MCF2L: variants seen among roughly 807,000 people sequenced by gnomAD.
MCF2L encodes the protein guanine nucleotide exchange factor DBS.
MCF2L carries 97 observed loss-of-function variants against 153.4 expected under a neutral mutation model. The observed-to-expected ratio is 0.63, with a 90% CI of 0.54 to 0.75. The LOEUF is 0.75. Among genes scored for constraint, MCF2L ranks in the 30% least tolerant of loss-of-function variants. The pLI, the probability that MCF2L is intolerant of heterozygous loss-of-function variation, is 0.00. For missense variants in MCF2L, 1,347 were observed against 1,495.2 expected, an observed-to-expected ratio of 0.90 and a Z score of 1.64; for synonymous variants, 659 against 632.2, an observed-to-expected ratio of 1.04 and a Z score of -0.64.
At chr13:113,025,896 TTCC>T (rs1198300132) in intron 3 of MCF2L, among the ~76,000 whole-genome samples, 7 of 130,590 alleles carry the variant, frequency 5.4e-5, no homozygotes, top group Non-Finnish European at 1.0e-4. Flanking sequence ...CCTGTGAGGT[TTCC>T]CCATTGTGGG....
In MCF2L at chr13:113,031,457, G is replaced by A. The variant is rs2085717097; in HGVS notation, c.278+6699G>A. 1.3e-5 allele frequency among the ~76,000 whole-genome samples: 2 copies of A among 152,140 alleles called. No homozygotes were observed. The highest frequency in any genetic ancestry group is 2.9e-5 in the Non-Finnish European group (2 of 68,030). ...GGGCAGGACAGAGTGCCGGGGAGTCGGGGGCTGTAGGGACAGAGTCTGGGA... is the reference window on the plus strand; with the variant it reads ...GGGCAGGACAGAGTGCCGGGGAGTCAGGGGCTGTAGGGACAGAGTCTGGGA... On this transcript the variant is annotated intron_variant, in intron 3 of 29. Transcript: ENST00000535094. This position sits in a 1 kb window ranked among gnomAD's most constrained non-coding sequence, Gnocchi z 5.5.
At chr13:112,940,938 C>T (rs1352177627) in intron 2 of MCF2L, among the ~76,000 whole-genome samples, 1 of 152,176 alleles carries the variant, frequency 6.6e-6, no homozygotes, top group East Asian at 1.9e-4. Flanking sequence ...GGGTCATGAT[C>T]GCTGAGCCCA....
At chr13:112,911,739 G>A (rs539727745) in intron 2 of MCF2L, among the ~76,000 whole-genome samples, 1 of 152,384 alleles carries the variant, frequency 6.6e-6, no homozygotes, top group African/African-American at 2.4e-5. Flanking sequence ...GACCTCACAC[G>A]GATGCGCTGA....
chr13:112,901,849 TG>T (rs2081122430), intron 1 of MCF2L, among the ~76,000 whole-genome samples: 1 of 152,236 alleles, frequency 6.6e-6, no homozygotes, highest in African/African-American at 2.4e-5. Context: ...TACTGAAACC[TG>T]GAGAACTAGG....
chr13:113,095,293 A>C, intron 27 of MCF2L: 1 of 1,179,086 alleles, frequency 8.5e-7, no homozygotes, highest in East Asian at 6.3e-5. Flanking sequence ...CAGGTCCCGG[A>C]GGCTCTGGAA....
rs2035720952 is a variant in MCF2L, at chr13:113,096,928, G to A, written c.*69G>A. The A allele has an allele frequency of 8.7e-7, 1 of 1,149,940 alleles. No homozygotes were observed. Among genetic ancestry groups the A allele is most frequent in the Non-Finnish European group, 1.1e-6 (1 of 892,798 alleles). 71.2% of individuals were successfully genotyped at this position (1,149,940 alleles called of 1,614,324 possible). On this transcript the variant is annotated 3_prime_UTR_variant, in exon 30 of 30. Transcript: ENST00000535094. Reference sequence around the variant, plus strand: ...GTGGCGTGGGGAGGGCGCGGCCCCCGGACGCCCCGAGGAAGGGGCACCTCA... The same window carrying A: ...GTGGCGTGGGGAGGGCGCGGCCCCCAGACGCCCCGAGGAAGGGGCACCTCA...
chr13:112,936,366 T>G (rs1486710909), intron 2 of MCF2L, among the ~76,000 whole-genome samples: 1 of 151,890 alleles, frequency 6.6e-6, no homozygotes, highest in East Asian at 1.9e-4. Context: ...AGAATAAATT[T>G]ACTATATTTT....
chr13:113,052,105 C>T (rs754819814), intron 4 of MCF2L, among the ~76,000 whole-genome samples: 6 of 152,186 alleles, frequency 3.9e-5, no homozygotes, highest in African/African-American at 7.2e-5. Context: ...GGTGACAGAT[C>T]GGTTAATTGG....
rs1428977285 is a variant in MCF2L at position 112,983,992 on chromosome 13, GA to G, written c.79+14535del. ...ATGTAGCTGCAGGTGGAGATTTTCT[GA>G]TAACCAAGAGTGGATGTTGTCTGTT... On this transcript the variant is annotated intron_variant, in intron 1 of 29. Transcript: ENST00000535094. This position sits in a 1 kb window ranked among gnomAD's most constrained non-coding sequence, Gnocchi z 4.0. 2.6e-5 allele frequency among the ~76,000 whole-genome samples: 4 copies of G among 152,226 alleles called. No individual in the cohort carries two copies. Among genetic ancestry groups the G allele is most frequent in the African/African-American group, 9.6e-5 (4 of 41,466 alleles).
chr13:112,950,344 A>G (rs907470754), intron 2 of MCF2L, among the ~76,000 whole-genome samples: 1 of 152,246 alleles, frequency 6.6e-6, no homozygotes, highest in African/African-American at 2.4e-5. Flanking sequence ...AATTCTTATC[A>G]AAATCCCAAC....
chr13:112,976,102 G>A (rs2082203083), intron 1 of MCF2L, among the ~76,000 whole-genome samples: 1 of 151,706 alleles, frequency 6.6e-6, no homozygotes, highest in Non-Finnish European at 1.5e-5. Context: ...GGGATTGCCT[G>A]GCATTTGCCT....
chr13:112,940,031 G>A (rs185049667), intron 2 of MCF2L, among the ~76,000 whole-genome samples: 2 of 151,970 alleles, frequency 1.3e-5, no homozygotes, highest in East Asian at 3.9e-4. Context: ...TGCAGCTGGG[G>A]GTGGTGATTG....
intron 1 of MCF2L, chr13:113,009,796 GC>G (rs2083958088): frequency 6.6e-6 from 1 of 152,354 alleles, no homozygotes; most frequent in Non-Finnish European, 1.5e-5. Context: ...CTTCGGGAAG[GC>G]CTCTGGCCGG....
At chr13:112,927,345 C>T (rs1050942165) in intron 2 of MCF2L, among the ~76,000 whole-genome samples, 3 of 152,116 alleles carry the variant, frequency 2.0e-5, no homozygotes, top group Admixed American at 6.5e-5. Flanking sequence ...CTGTATAAGT[C>T]CAGTGTCTTT....
intron 3 of MCF2L, chr13:113,026,864 C>A: frequency 2.7e-6 from 2 of 732,876 alleles, no homozygotes; most frequent in African/African-American, 1.7e-5. Context: ...TCTGTGTCTC[C>A]CCAGCGGCGG....
At position 113,084,951 on chromosome 13, in the gene MCF2L, G is replaced by A. The variant is rs372125427; in HGVS notation, c.2121G>A (p.Leu707=). 1.8e-5 allele frequency: 29 copies of A among 1,613,962 alleles called. No homozygotes were observed. Among genetic ancestry groups the A allele is most frequent in the Non-Finnish European group, 2.4e-5 (28 of 1,180,042 alleles). The change falls in exon 19 of 30, where the codon CTG becomes CTA. Residue 707 remains leucine, a synonymous_variant. Coordinates refer to ENST00000535094, the MANE Select transcript of MCF2L (RefSeq NM_001112732.3). ...AGAACAAGCCCCGCTCTGAGAGCCT[G>A]TGGAGACAGTGCTCCGACTGCCCGT... ...YCQNKPRSES[L]WRQCSDCPFF...
Position 112,900,015 on chromosome 13 carries a change from TG to T in MCF2L, c.-4-2180del, listed in dbSNP as rs530236054. ...TGCCTGGTGTCTACAGAGTCCAGCTTGGGGACGCGATTGCAGCCAGGGGCAT... is the reference window on the plus strand; with the variant it reads ...TGCCTGGTGTCTACAGAGTCCAGCTTGGGACGCGATTGCAGCCAGGGGCAT... On this transcript the variant is annotated intron_variant, in intron 1 of 29. Coordinates refer to the MCF2L transcript ENST00000375608. Among the ~76,000 whole-genome samples, 3 of 152,272 alleles carry T rather than the reference TG, an allele frequency of 2.0e-5. No individual in the cohort carries two copies. In the South Asian group the frequency reaches 6.2e-4, roughly 32 times the overall value.
intron 16 of MCF2L, 92 bp downstream of exon 16, chr13:113,081,371 C>T: frequency 8.0e-7 from 1 of 1,247,448 alleles, no homozygotes; most frequent in Non-Finnish European, 1.1e-6. Context: ...TCGGAGCAGC[C>T]TGCTGTCCAC....
chr13:112,912,550 C>G (rs956104559), intron 2 of MCF2L, among the ~76,000 whole-genome samples: 20 of 152,158 alleles, frequency 1.3e-4, no homozygotes, highest in African/African-American at 4.8e-4. Flanking sequence ...CTCCTGACCT[C>G]AGGTGATTCA....
Sources: allele counts gnomAD v4.1 joint callset (sites outside exome capture counted in the v4.1 genomes callset), GRCh38; gene constraint gnomAD v4.1.1; non-coding constraint Gnocchi (gnomAD v3.1); transcripts MANE v1.5; gene names NCBI Gene and HGNC (gene_info 2026-07-23, HGNC 2026-07-21).